The following ABRAXAS2 variants were observed in gnomAD, a reference collection of about 807,000 sequenced individuals.
ABRAXAS2 encodes BRISC complex subunit Abraxas 2.
A neutral mutation model predicts 49.0 loss-of-function variants in ABRAXAS2; 23 were observed. That is an observed-to-expected ratio of 0.47 (90% confidence interval 0.34 to 0.66). ABRAXAS2 has a LOEUF of 0.66. ABRAXAS2 is among the 30% of genes least tolerant of loss of function. The pLI, the probability that ABRAXAS2 is intolerant of heterozygous loss-of-function variation, is 0.01. For synonymous variants in ABRAXAS2, 168 were observed against 180.2 expected (o/e 0.93, Z 0.54); for missense variants, 443 against 511.9 (o/e 0.87, Z 1.30).
chr10:124,826,838 G>A, intron 5 of ABRAXAS2, 53 bp downstream of exon 5: 2 of 1,570,306 alleles, frequency 1.3e-6, no homozygotes, highest in South Asian at 2.3e-5. Context: ...TTGGGACCAG[G>A]CGTGGTGGCT....
chr10:124,805,662 G>C (rs911220938), intron 1 of ABRAXAS2, among the ~76,000 whole-genome samples: 4 of 152,162 alleles, frequency 2.6e-5, no homozygotes, highest in Non-Finnish European at 5.9e-5. Flanking sequence ...ATAGTGAGAA[G>C]ACCAAGAAGA....
At chr10:124,827,978 A>C (rs892522831) in intron 5 of ABRAXAS2, among the ~76,000 whole-genome samples, 9 of 152,230 alleles carry the variant, frequency 5.9e-5, no homozygotes, top group African/African-American at 2.2e-4. Flanking sequence ...GTGAGTATAC[A>C]AAAGATGTGT....
At chr10:124,811,530 G>T (rs185029368) in intron 2 of ABRAXAS2, among the ~76,000 whole-genome samples, 1 of 152,120 alleles carries the variant, frequency 6.6e-6, no homozygotes, top group East Asian at 2.0e-4. Flanking sequence ...GAGGTCAGGA[G>T]ATTGAGACCA....
rs746554866 is a variant in ABRAXAS2, at chr10:124,819,454, T to C, written c.267+4T>C. On this transcript the variant is annotated splice_donor_region_variant and intron_variant, in intron 4 of 8. Transcript: ENST00000298492. Reference sequence around the variant, plus strand: ...GATTCTTAAAGATCGGAGAAAGGTATGTTCTGTTTGTTGCCCAGTATGATT... The same window carrying C: ...GATTCTTAAAGATCGGAGAAAGGTACGTTCTGTTTGTTGCCCAGTATGATT... 32 of 1,613,120 alleles carry C rather than the reference T, an allele frequency of 2.0e-5. No homozygotes were observed. The South Asian group carries it at 3.3e-4, about 17-fold the overall frequency.
intron 7 of ABRAXAS2, 73 bp from the exon 8 acceptor site, chr10:124,831,276 T>A: frequency 1.1e-6 from 1 of 882,900 alleles, no homozygotes; most frequent in Non-Finnish European, 1.9e-6. Flanking sequence ...CCTGGAGTTG[T>A]AATCAGCGCT....
At chr10:124,803,485 A>C (rs552428281) in intron 1 of ABRAXAS2, among the ~76,000 whole-genome samples, 1 of 152,222 alleles carries the variant, frequency 6.6e-6, no homozygotes, top group Non-Finnish European at 1.5e-5. Flanking sequence ...TGGGGCTACC[A>C]TACTTTTCTG....
intron 2 of ABRAXAS2, among the ~76,000 whole-genome samples, chr10:124,810,283 C>T (rs10901825): frequency 0.76 from 116,284 of 152,050 alleles, 44,558 homozygotes; most frequent in South Asian, 0.85. Flanking sequence ...CCCAACACTT[C>T]GGGAGGCCGA....
chr10:124,816,546 C>G (rs1273205701), intron 2 of ABRAXAS2, 30 bp from the exon 3 acceptor site: 2 of 1,531,596 alleles, frequency 1.3e-6, no homozygotes, highest in Non-Finnish European at 1.8e-6. Flanking sequence ...ACATGATTAA[C>G]TAAGATGTAT....
intron 3 of ABRAXAS2, among the ~76,000 whole-genome samples, chr10:124,817,231 CAA>C (rs1349168183): frequency 6.6e-6 from 1 of 152,042 alleles, no homozygotes; most frequent in Admixed American, 6.6e-5. Context: ...AAACCGCAGA[CAA>C]GAGGGGGACT....
intron 5 of ABRAXAS2, 59 bp from the exon 6 acceptor site, chr10:124,828,697 C>A: frequency 2.0e-6 from 3 of 1,501,414 alleles, no homozygotes; most frequent in South Asian, 1.2e-5. Context: ...GACTGTCAGT[C>A]TCACTTGAAT....
chr10:124,805,737 C>T (rs1301061746), intron 1 of ABRAXAS2, among the ~76,000 whole-genome samples: 14 of 152,174 alleles, frequency 9.2e-5, no homozygotes, highest in Admixed American at 9.2e-4. Context: ...GTTGGTCAGG[C>T]AAGGCCTCTC....
At chr10:124,833,139 C>T (rs1481493398) in intron 8 of ABRAXAS2, among the ~76,000 whole-genome samples, 1 of 132,518 alleles carries the variant, frequency 7.5e-6, no homozygotes, top group Non-Finnish European at 1.6e-5. Flanking sequence ...GAGCAAGACT[C>T]TGTCTCAAAA....
intron 2 of ABRAXAS2, among the ~76,000 whole-genome samples, chr10:124,812,130 C>A (rs1950794020): frequency 6.6e-6 from 1 of 152,198 alleles, no homozygotes; most frequent in Non-Finnish European, 1.5e-5. Flanking sequence ...ATTCATAAAC[C>A]ATCTGCCTCT....
rs754275177 is a variant in ABRAXAS2, at chr10:124,806,950, A to T, written c.163+29A>T. On this transcript the variant is annotated intron_variant, in intron 2 of 8. Coordinates refer to ENST00000298492, the MANE Select transcript of ABRAXAS2 (RefSeq NM_032182.4). ...AGTAAATTTCTCAATGACCTTAGAA[A>T]TATCTTTTTTGTATATTTACTTAAT... The T allele has an allele frequency of 5.6e-6, 8 of 1,424,398 alleles. No individual in the cohort carries two copies. The African/African-American group carries it at 9.9e-5, about 18-fold the overall frequency. The allele number at this position is 1,424,398 out of a possible 1,614,324, so 88.2% of individuals were successfully genotyped here.
intron 7 of ABRAXAS2, 93 bp from the exon 8 acceptor site, chr10:124,831,256 C>A: frequency 1.3e-6 from 1 of 770,440 alleles, no homozygotes; most frequent in Non-Finnish European, 2.3e-6. Flanking sequence ...AATAAACCAT[C>A]TGGACTTTTC....
chr10:124,804,817 G>A (rs927622734), intron 1 of ABRAXAS2, among the ~76,000 whole-genome samples: 1 of 150,328 alleles, frequency 6.7e-6, no homozygotes, highest in African/African-American at 2.4e-5. Context: ...GGGTTCAAGC[G>A]ATTCTTCTGC....
intron 2 of ABRAXAS2, among the ~76,000 whole-genome samples, chr10:124,814,795 C>T (rs556766006): frequency 8.6e-5 from 13 of 151,944 alleles, no homozygotes; most frequent in African/African-American, 1.9e-4. Flanking sequence ...TACAGGCGCG[C>T]GCCACCACAC....
At chr10:124,809,840 C>A (rs1007825881) in intron 2 of ABRAXAS2, among the ~76,000 whole-genome samples, 1 of 151,538 alleles carries the variant, frequency 6.6e-6, no homozygotes, top group Non-Finnish European at 1.5e-5. Flanking sequence ...ACAACCTCCA[C>A]CTCCCGGGTT....
chr10:124,804,274 A>C lies in ABRAXAS2; in HGVS notation c.72+2373A>C, dbSNP rs556009302. Among the ~76,000 whole-genome samples, 14 of 152,338 alleles carry C rather than the reference A, an allele frequency of 9.2e-5. No homozygotes were observed. The South Asian group carries it at 2.7e-3, about 29-fold the overall frequency. ...TGGAAGACTGTTGTAGGGTTACCAG[A>C]TGAAATACAGCACACTCAGTTAATT... is the stretch of plus-strand genomic sequence containing the variant. On this transcript the variant is annotated intron_variant, in intron 1 of 8. Transcript: ENST00000298492.
Sources: allele counts gnomAD v4.1 joint callset (sites outside exome capture counted in the v4.1 genomes callset), GRCh38; gene constraint gnomAD v4.1.1; transcripts MANE v1.5; gene names NCBI Gene and HGNC (gene_info 2026-07-23, HGNC 2026-07-21).